UBR7: variants seen among roughly 807,000 people sequenced by gnomAD.
UBR7 encodes the protein putative E3 ubiquitin-protein ligase UBR7.
A neutral mutation model predicts 57.0 loss-of-function variants in UBR7; 22 were observed. The ratio of observed to expected loss-of-function variants is 0.39; its 90% CI spans 0.28 to 0.55. UBR7 has a LOEUF of 0.55. Among genes scored for constraint, UBR7 ranks in the 20% least tolerant of loss-of-function variants. The pLI is 0.69. For synonymous variants in UBR7, 167 were observed against 179.8 expected, an observed-to-expected ratio of 0.93 and a Z score of 0.57; for missense variants, 395 against 513.2, an observed-to-expected ratio of 0.77 and a Z score of 2.23.
rs1341241150 is a variant in UBR7, at chr14:93,227,958, C to G, written c.*923C>G. 1.4e-6 allele frequency: 1 copy of G among 699,426 alleles called. No individual in the cohort carries two copies. Among genetic ancestry groups the G allele is most frequent in the Non-Finnish European group, 2.6e-6 (1 of 384,338 alleles). The allele number at this position is 699,426 out of a possible 1,614,324, so 43.3% of individuals were successfully genotyped here. A position where few individuals can be genotyped will look rare whatever the true frequency, so the allele number is the denominator to read the frequency against. ...TCAAAAATGGACCTATTTTGATATTCTGTTATGAAAATGTTATTAGAACCC... is the reference window on the plus strand; with the variant it reads ...TCAAAAATGGACCTATTTTGATATTGTGTTATGAAAATGTTATTAGAACCC... On this transcript the variant is annotated 3_prime_UTR_variant, in exon 11 of 11. Coordinates refer to ENST00000013070, the MANE Select transcript of UBR7 (RefSeq NM_175748.4).
intron 8 of UBR7, 55 bp downstream of exon 8, chr14:93,219,416 A>G (rs1894660494): frequency 1.9e-6 from 3 of 1,606,492 alleles, no homozygotes; most frequent in Non-Finnish European, 2.6e-6. Context: ...GGTGCCCCAA[A>G]ATAAGAACAC....
chr14:93,213,543 A>G (rs1894532678), intron 4 of UBR7, among the ~76,000 whole-genome samples: 1 of 152,122 alleles, frequency 6.6e-6, no homozygotes, highest in Non-Finnish European at 1.5e-5. Context: ...TCCTGACCTC[A>G]TGATCCGCCT....
At chr14:93,215,084 T>A (rs1894563007) in intron 5 of UBR7, 92 bp from the exon 6 acceptor site, 2 of 1,402,396 alleles carry the variant, frequency 1.4e-6, no homozygotes, top group Admixed American at 2.0e-5. Context: ...TCTAATGATA[T>A]GATCAGTGTA....
At chr14:93,225,586 T>C (rs1219591775) in intron 10 of UBR7, among the ~76,000 whole-genome samples, 2 of 152,112 alleles carry the variant, frequency 1.3e-5, no homozygotes, top group Non-Finnish European at 2.9e-5. Context: ...TGAGCTATCA[T>C]CACACCTCTG....
intron 10 of UBR7, among the ~76,000 whole-genome samples, chr14:93,224,719 T>C (rs1894810121): frequency 6.6e-6 from 1 of 152,230 alleles, no homozygotes; most frequent in Admixed American, 6.5e-5. Flanking sequence ...TTCTTGTTTC[T>C]GTTGCAGAGA....
Position 93,228,516 on chromosome 14 carries a change from C to T in UBR7, c.*1481C>T, listed in dbSNP as rs1164489325. The T allele has an allele frequency of 1.3e-5, 6 of 453,950 alleles. No individual in the cohort carries two copies. The highest frequency in any genetic ancestry group is 1.2e-4 in the African/African-American group (6 of 49,986). 28.1% of individuals were successfully genotyped at this position (453,950 alleles called of 1,614,324 possible). A position where few individuals can be genotyped will look rare whatever the true frequency, so the allele number is the denominator to read the frequency against. ...AACTAGGCCTTATAAAAAGTCAAAG[C>T]CTCAAAGAAATGGCACAACCATGTT... On this transcript the variant is annotated 3_prime_UTR_variant, in exon 11 of 11. Coordinates refer to ENST00000013070, the MANE Select transcript of UBR7 (RefSeq NM_175748.4).
At chr14:93,214,461 T>C (rs1430878995) in intron 4 of UBR7, among the ~76,000 whole-genome samples, 3 of 152,246 alleles carry the variant, frequency 2.0e-5, no homozygotes, top group African/African-American at 7.2e-5. Flanking sequence ...TTTATTCAAA[T>C]TAGAGGAGTT....
At position 93,220,222 on chromosome 14, in the gene UBR7, CTTTTTTT is replaced by C. The variant is rs528210789; in HGVS notation, c.961-15_961-9del. 18 of 1,452,494 alleles carry C rather than the reference CTTTTTTT, an allele frequency of 1.2e-5. No homozygotes were observed. The highest frequency in any genetic ancestry group is 4.8e-5 in the African/African-American group (3 of 63,046). The allele number at this position is 1,452,494 out of a possible 1,614,324, so 90.0% of individuals were successfully genotyped here. Reference sequence around the variant, plus strand: ...AGTTCTAATGGGGAAACTCCTCTTTCTTTTTTTTTTTTTTTTTTCCCTAAAGAAAATG... The same window carrying C: ...AGTTCTAATGGGGAAACTCCTCTTTCTTTTTTTTTTTCCCTAAAGAAAATG... On this transcript the variant is annotated intron_variant, in intron 8 of 10. Transcript: ENST00000013070.
intron 6 of UBR7, among the ~76,000 whole-genome samples, chr14:93,217,923 C>T (rs976160463): frequency 6.6e-6 from 1 of 150,806 alleles, no homozygotes; most frequent in African/African-American, 2.4e-5. Context: ...TGGAGAAACC[C>T]CATCTCTACT....
chr14:93,228,365 T>C lies in UBR7; in HGVS notation c.*1330T>C, dbSNP rs1252064140. On this transcript the variant is annotated 3_prime_UTR_variant, in exon 11 of 11. Transcript: ENST00000013070. ...GGAGGACCAAGGTCTTTCCTGACAG[T>C]CGGAGACACACCTTGATGTATGTTA... is the stretch of plus-strand genomic sequence containing the variant. 1 of 454,718 alleles carries C rather than the reference T, an allele frequency of 2.2e-6. No homozygotes were observed. The highest frequency in any genetic ancestry group is 2.3e-5 in the Admixed American group (1 of 42,580). The allele number at this position is 454,718 out of a possible 1,614,324, so 28.2% of individuals were successfully genotyped here.
chr14:93,210,818 C>A, intron 3 of UBR7, 110 bp downstream of exon 3: 1 of 930,130 alleles, frequency 1.1e-6, no homozygotes, highest in Non-Finnish European at 1.7e-6. Context: ...AGTTCTTATG[C>A]TTATTCTTTG....
chr14:93,220,148 T>A (rs569080707), intron 8 of UBR7, 101 bp from the exon 9 acceptor site: 1 of 1,252,832 alleles, frequency 8.0e-7, no homozygotes, highest in Admixed American at 2.3e-5. Flanking sequence ...TATAAAAAAA[T>A]TACATTTTTA....
intron 6 of UBR7, among the ~76,000 whole-genome samples, chr14:93,216,432 A>G (rs1894593953): frequency 6.6e-6 from 1 of 152,148 alleles, no homozygotes; most frequent in Non-Finnish European, 1.5e-5. Context: ...TCTTATTGGT[A>G]ATGCTTTATG....
At chr14:93,223,317 C>T (rs1595270309) in intron 10 of UBR7, among the ~76,000 whole-genome samples, 3 of 151,400 alleles carry the variant, frequency 2.0e-5, no homozygotes, top group Admixed American at 2.0e-4. Context: ...AACGCTTGAA[C>T]CCCACAGGTG....
At chr14:93,207,638 C>T (rs1894392502) in intron 1 of UBR7, among the ~76,000 whole-genome samples, 197 bp downstream of exon 1, 1 of 152,206 alleles carries the variant, frequency 6.6e-6, no homozygotes, top group Non-Finnish European at 1.5e-5. Context: ...CAGCCTGTGT[C>T]CAGCAGGGGC....
In UBR7 at chr14:93,214,915, C is replaced by T. The variant is rs890051340; in HGVS notation, c.442-14C>T. 4.3e-6 allele frequency: 7 copies of T among 1,612,378 alleles called. No individual in the cohort carries two copies. In the African/African-American group the frequency reaches 8.0e-5, roughly 18 times the overall value. ...ATTCAATGTAATCCTTAACAAACTGCTTTTCTCTGTTAGATTCCAGATGAG... is the reference window on the plus strand; with the variant it reads ...ATTCAATGTAATCCTTAACAAACTGTTTTTCTCTGTTAGATTCCAGATGAG... On this transcript the variant is annotated splice_polypyrimidine_tract_variant and intron_variant, in intron 4 of 10. Transcript: ENST00000013070.
chr14:93,208,154 T>A (rs1894406457), intron 1 of UBR7, among the ~76,000 whole-genome samples: 1 of 151,930 alleles, frequency 6.6e-6, no homozygotes. Flanking sequence ...TGGTGTTTAG[T>A]GACTCACCCT....
chr14:93,210,106 C>G (rs574533364), intron 2 of UBR7, 149 bp downstream of exon 2: 1 of 442,180 alleles, frequency 2.3e-6, no homozygotes, highest in African/African-American at 4.2e-5. Flanking sequence ...TATTTTGAGA[C>G]GGAGTCTTGC....
At chr14:93,222,948 A>G (rs1441550124) in intron 10 of UBR7, among the ~76,000 whole-genome samples, 1 of 152,208 alleles carries the variant, frequency 6.6e-6, no homozygotes, top group African/African-American at 2.4e-5. Context: ...CTTGTAGCTT[A>G]GCAGAAGGTC....
Sources: gnomAD v4.1 joint callset for allele counts (sites outside exome capture counted in the v4.1 genomes callset) on GRCh38, gnomAD v4.1.1 for gene constraint, MANE v1.5 for transcripts, NCBI Gene and HGNC (gene_info 2026-07-23, HGNC 2026-07-21) for gene names.